The following SCOC variants were observed in gnomAD, a reference collection of about 807,000 sequenced individuals.
SCOC encodes the protein short coiled coil protein.
A neutral mutation model predicts 9.9 loss-of-function variants in SCOC; 7 were observed. That is an observed-to-expected ratio of 0.71 (90% CI 0.40 to 1.33). SCOC has a LOEUF of 1.33. Among genes scored for constraint, SCOC ranks in the 40% most tolerant of loss-of-function variants. SCOC has a pLI of 0.01. For missense variants in SCOC, 66 were observed against 89.7 expected (o/e 0.74, Z 1.07); for synonymous variants, 19 against 28.2 (o/e 0.67, Z 1.03).
intron 1 of SCOC, among the ~76,000 whole-genome samples, chr4:140,275,964 C>G (rs1730970747): frequency 6.6e-6 from 1 of 151,838 alleles, no homozygotes; most frequent in African/African-American, 2.4e-5. Flanking sequence ...CTTGGGACTA[C>G]AGGTGTGTGC....
At chr4:140,341,459 T>C (rs1357750408), upstream of SCOC, among the ~76,000 whole-genome samples, 1 of 152,330 alleles carries the variant, frequency 6.6e-6, no homozygotes, top group East Asian at 1.9e-4. Context: ...ACTCTCTACA[T>C]GCCTCAGCTC....
intron 1 of SCOC, among the ~76,000 whole-genome samples, chr4:140,311,860 T>G (rs1413867214): frequency 6.6e-6 from 1 of 152,212 alleles, no homozygotes; most frequent in East Asian, 1.9e-4. Flanking sequence ...TAGCCCTCAG[T>G]AAATGTCAGT....
rs773950542 is a variant in SCOC at position 140,379,199 on chromosome 4, T to G, written c.22+7T>G. The G allele has an allele frequency of 6.3e-7, 1 of 1,585,668 alleles. No individual in the cohort carries two copies. The highest frequency in any genetic ancestry group is 1.1e-5 in the South Asian group (1 of 90,464). On this transcript the variant is annotated splice_region_variant and intron_variant, in intron 2 of 3. Transcript: ENST00000608372. ...ATGAATGCTGACATGGATGGTATGTTCTTCATTTTCTTTTTTGTATACTCC... is the reference window on the plus strand; with the variant it reads ...ATGAATGCTGACATGGATGGTATGTGCTTCATTTTCTTTTTTGTATACTCC...
At position 140,323,820 on chromosome 4, in the gene SCOC, C is replaced by T. The variant is rs906759807; in HGVS notation, c.-18-19801C>T. Among the ~76,000 whole-genome samples, 4 of 152,170 alleles carry T rather than the reference C, an allele frequency of 2.6e-5. No individual in the cohort carries two copies. The East Asian group carries it at 5.8e-4, about 22-fold the overall frequency. ...AAAACACTTAAGCAAGAAATAATCC[C>T]AATTCTACATAATATCTTCCAGAAT... On this transcript the variant is annotated intron_variant, in intron 1 of 4. Transcript: ENST00000394205.
At chr4:140,350,003 A>G (rs1726909582) in intron 2 of SCOC, among the ~76,000 whole-genome samples, 1 of 152,168 alleles carries the variant, frequency 6.6e-6, no homozygotes, top group African/African-American at 2.4e-5. Context: ...CTGCCACACC[A>G]TTTGAGCTCA....
chr4:140,323,560 T>C (rs960687343), intron 1 of SCOC, among the ~76,000 whole-genome samples: 1 of 152,158 alleles, frequency 6.6e-6, no homozygotes, highest in African/African-American at 2.4e-5. Flanking sequence ...AGGACATCAC[T>C]ACTGATCTCA....
At chr4:140,329,874 C>G (rs936515272) in intron 1 of SCOC, among the ~76,000 whole-genome samples, 2 of 152,130 alleles carry the variant, frequency 1.3e-5, no homozygotes, top group Admixed American at 6.5e-5. Context: ...ACTAGTACAG[C>G]CACTGTGGAA....
intron 1 of SCOC, among the ~76,000 whole-genome samples, chr4:140,292,983 AAACT>A (rs1253930367): frequency 6.6e-6 from 1 of 152,214 alleles, no homozygotes. Context: ...GGCTTCCTAT[AAACT>A]ACCAGCAAGG....
At chr4:140,376,602 TAA>T (rs1728355908) in intron 1 of SCOC, 1 of 152,246 alleles carries the variant, frequency 6.6e-6, no homozygotes, top group African/African-American at 2.4e-5. Flanking sequence ...ATCTTGAGTG[TAA>T]GAGTAATTTT....
intron 2 of SCOC, chr4:140,366,749 C>T (rs1727816023): frequency 1.3e-6 from 2 of 1,538,836 alleles, no homozygotes; most frequent in Non-Finnish European, 9.0e-7. Flanking sequence ...GGTCCATCAA[C>T]CAAAGCCCTG....
At chr4:140,324,446 T>C (rs1373711115) in intron 1 of SCOC, among the ~76,000 whole-genome samples, 1 of 152,144 alleles carries the variant, frequency 6.6e-6, no homozygotes, top group East Asian at 1.9e-4. Context: ...TGGTTATCAA[T>C]GTAGACAATT....
intron 1 of SCOC, among the ~76,000 whole-genome samples, chr4:140,281,099 A>G (rs991199294): frequency 1.3e-5 from 2 of 152,056 alleles, no homozygotes; most frequent in African/African-American, 4.8e-5. Flanking sequence ...TCCTCTCTCT[A>G]TAGGAGAGAG....
chr4:140,366,796 C>T, intron 2 of SCOC: 1 of 1,239,404 alleles, frequency 8.1e-7, no homozygotes, highest in South Asian at 1.2e-5. Context: ...AACCAATTTT[C>T]TGGCACGAGG....
rs543014872 is a variant in SCOC, at chr4:140,302,063, G to A, written c.-18-41558G>A. 2.6e-5 allele frequency among the ~76,000 whole-genome samples: 4 copies of A among 152,226 alleles called. No homozygotes were observed. In the East Asian group the frequency reaches 7.7e-4, roughly 29 times the overall value. ...TACCCAGGCTGGTCTCAAACTCCTG[G>A]GCTCAAGTGATTGGCCTCCCTGGGC... On this transcript the variant is annotated intron_variant, in intron 1 of 4. Coordinates refer to the SCOC transcript ENST00000394205.
intron 1 of SCOC, 141 bp from the exon 2 acceptor site, chr4:140,378,980 C>T: frequency 1.7e-6 from 1 of 594,908 alleles, no homozygotes. Flanking sequence ...GCTTATTTAC[C>T]CATTAGGCAT....
intron 2 of SCOC, among the ~76,000 whole-genome samples, chr4:140,348,061 T>TAA (rs1206304446): frequency 6.6e-6 from 1 of 152,182 alleles, no homozygotes; most frequent in African/African-American, 2.4e-5. Context: ...ATTATATATA[T>TAA]AATGTAGTGG....
intron 1 of SCOC, among the ~76,000 whole-genome samples, chr4:140,327,636 G>A (rs993382119): frequency 6.6e-6 from 1 of 152,136 alleles, no homozygotes; most frequent in Admixed American, 6.5e-5. Context: ...CAAAACAAAT[G>A]TTTTGTTTGA....
intron 1 of SCOC, among the ~76,000 whole-genome samples, chr4:140,292,433 C>T (rs906166721): frequency 8.5e-5 from 13 of 152,126 alleles, no homozygotes; most frequent in African/African-American, 1.7e-4. Flanking sequence ...AAGTGATCCA[C>T]CCACCTTGGA....
rs1363872218 is a variant in SCOC, at chr4:140,384,778, T to C, written c.*3674T>C. 1 of 152,184 alleles carries C rather than the reference T, an allele frequency of 6.6e-6. No homozygotes were observed. The highest frequency in any genetic ancestry group is 6.5e-5 in the Admixed American group (1 of 15,276). 9.4% of individuals were successfully genotyped at this position (152,184 alleles called of 1,614,324 possible). A position where few individuals can be genotyped will look rare whatever the true frequency, so the allele number is the denominator to read the frequency against. ...TGGTAGGGAAAAATCAGCATACTCC[T>C]TGTTATGGACTGAATGTGTCCTCCC... On this transcript the variant is annotated 3_prime_UTR_variant, in exon 4 of 4. Transcript: ENST00000608372.
Sources: allele counts gnomAD v4.1 joint callset (sites outside exome capture counted in the v4.1 genomes callset), GRCh38; gene constraint gnomAD v4.1.1; transcripts MANE v1.5; gene names NCBI Gene and HGNC (gene_info 2026-07-23, HGNC 2026-07-21).